The following LRRC52 variants were observed in gnomAD, a reference collection of about 807,000 sequenced individuals.
The protein encoded by LRRC52 is leucine rich repeat containing 52.
A neutral mutation model predicts 14.7 loss-of-function variants in LRRC52; 15 were observed. The ratio of observed to expected loss-of-function variants is 1.02; its 90% CI spans 0.68 to 1.58. LRRC52 has a LOEUF of 1.58. Among genes scored for constraint, LRRC52 ranks in the 40% most tolerant of loss-of-function variants. The pLI, the probability that LRRC52 is intolerant of heterozygous loss-of-function variation, is 0.00. For missense variants in LRRC52, 400 were observed against 387.7 expected (o/e 1.03, Z -0.27); for synonymous variants, 180 against 163.9 (o/e 1.10, Z -0.75).
intron 1 of LRRC52, among the ~76,000 whole-genome samples, chr1:165,559,234 T>C (rs926801477): frequency 2.6e-5 from 4 of 151,854 alleles, no homozygotes; most frequent in African/African-American, 9.7e-5. Context: ...ACTAAAAATA[T>C]AAAAATTAGC....
At chr1:165,546,944 G>T (rs1661031799) in intron 1 of LRRC52, among the ~76,000 whole-genome samples, 1 of 152,036 alleles carries the variant, frequency 6.6e-6, no homozygotes. Context: ...AGTCTGTTTT[G>T]TGAGGTAGAC....
At position 165,544,486 on chromosome 1, in the gene LRRC52, A is replaced by T; in HGVS notation, c.190A>T (p.Arg64Ter). ...NTRRLFLNEN[R>*]ITSLPAMHLG... The stretch of plus-strand genomic sequence containing the variant: ...CCGGAGGCTGTTCCTGAACGAGAAC[A>T]GAATCACTAGTTTGCCAGCAATGCA... Residue 64 changes from arginine (R) to a stop codon, truncating the protein, a stop_gained, in exon 1 of 2, where the codon AGA (arginine) becomes TGA (stop). Transcript: ENST00000294818. LOFTEE classifies it high-confidence loss of function. 6.2e-7 allele frequency: 1 copy of T among 1,614,200 alleles called. No individual in the cohort carries two copies. The highest frequency in any genetic ancestry group is 8.5e-7 in the Non-Finnish European group (1 of 1,180,028).
intron 1 of LRRC52, among the ~76,000 whole-genome samples, chr1:165,545,781 T>C (rs1474939038): frequency 1.3e-5 from 2 of 152,062 alleles, no homozygotes; most frequent in Non-Finnish European, 2.9e-5. Flanking sequence ...CCACCAATAA[T>C]AGCATTTTTA....
At chr1:165,556,665 C>A (rs74335629) in intron 1 of LRRC52, among the ~76,000 whole-genome samples, 1 of 152,192 alleles carries the variant, frequency 6.6e-6, no homozygotes. Context: ...TGGATTTGGC[C>A]CACAGGTTGT....
chr1:165,562,253 T>G (rs112948650), intron 1 of LRRC52, among the ~76,000 whole-genome samples: 4 of 152,356 alleles, frequency 2.6e-5, no homozygotes, highest in East Asian at 1.9e-4. Flanking sequence ...AGGTTATTAT[T>G]AGAATTAAAT....
chr1:165,563,792 A>G lies in LRRC52; in HGVS notation c.910A>G (p.Ser304Gly), dbSNP rs745721042. 3.7e-6 allele frequency: 6 copies of G among 1,614,188 alleles called. No homozygotes were observed. The highest frequency in any genetic ancestry group is 5.1e-6 in the Non-Finnish European group (6 of 1,180,034). Residue 304 changes from serine (S) to glycine (G), a missense_variant, in exon 2 of 2, where the codon AGC (serine) becomes GGC (glycine). Coordinates refer to ENST00000294818, the MANE Select transcript of LRRC52 (RefSeq NM_001005214.4). Reference protein sequence around the residue: ...VSRRIFQTQTSSVQEFPQLI With the variant: ...VSRRIFQTQTGSVQEFPQLI Reference sequence around the variant, plus strand: ...CCGGCGGATTTTTCAAACCCAGACGAGCTCGGTCCAGGAGTTCCCTCAGCT... The same window carrying G: ...CCGGCGGATTTTTCAAACCCAGACGGGCTCGGTCCAGGAGTTCCCTCAGCT...
intron 1 of LRRC52, among the ~76,000 whole-genome samples, chr1:165,553,244 G>T (rs1236908962): frequency 6.6e-6 from 1 of 152,152 alleles, no homozygotes; most frequent in South Asian, 2.1e-4. Flanking sequence ...GACAGCAGGA[G>T]CCCCCAGACA....
At chr1:165,557,849 C>T (rs1303558199) in intron 1 of LRRC52, among the ~76,000 whole-genome samples, 1 of 152,148 alleles carries the variant, frequency 6.6e-6, no homozygotes, top group Non-Finnish European at 1.5e-5. Flanking sequence ...TCTTGCTTTC[C>T]ATTGCCACTG....
chr1:165,549,774 A>C (rs1429833685), intron 1 of LRRC52, among the ~76,000 whole-genome samples: 1 of 152,228 alleles, frequency 6.6e-6, no homozygotes, highest in South Asian at 2.1e-4. Context: ...GTTGTAGAGG[A>C]AGCCCAGTGT....
In LRRC52 at chr1:165,560,215, T is replaced by C. The variant is rs542040477; in HGVS notation, c.623-3290T>C. On this transcript the variant is annotated intron_variant, in intron 1 of 1. Transcript: ENST00000294818. ...TGTTGTTAGAGGATCTACTGTATAA[T>C]ATATTTGTAGCACATGGAAAATGTA... 1.2e-4 allele frequency among the ~76,000 whole-genome samples: 19 copies of C among 152,376 alleles called. No homozygotes were observed. The South Asian group carries it at 3.7e-3, about 30-fold the overall frequency.
chr1:165,553,883 T>C (rs1414686975), intron 1 of LRRC52, among the ~76,000 whole-genome samples: 1 of 152,216 alleles, frequency 6.6e-6, no homozygotes, highest in African/African-American at 2.4e-5. Context: ...GTACACATTT[T>C]CATGTAATGT....
chr1:165,545,609 T>A (rs973550271), intron 1 of LRRC52, among the ~76,000 whole-genome samples: 3 of 10,304 alleles, frequency 2.9e-4, no homozygotes, highest in African/African-American at 3.6e-4. Flanking sequence ...GAGATTCTAG[T>A]CTTACAGGTA....
At chr1:165,555,602 G>C (rs1049465927) in intron 1 of LRRC52, among the ~76,000 whole-genome samples, 7 of 152,210 alleles carry the variant, frequency 4.6e-5, no homozygotes, top group Non-Finnish European at 8.8e-5. Flanking sequence ...GAAAAAGCAA[G>C]GACACACATT....
At chr1:165,550,445 T>TTTTTA (rs1375181048) in intron 1 of LRRC52, among the ~76,000 whole-genome samples, 12 of 152,280 alleles carry the variant, frequency 7.9e-5, no homozygotes, top group Admixed American at 7.2e-4. Flanking sequence ...ATGAACTGAA[T>TTTTTA]TTTTATTTTA....
rs1661395154 is a variant in LRRC52 at position 165,563,682 on chromosome 1, G to C, written c.800G>C (p.Gly267Ala). 4 of 1,614,188 alleles carry C rather than the reference G, an allele frequency of 2.5e-6. No homozygotes were observed. The highest frequency in any genetic ancestry group is 3.4e-6 in the Non-Finnish European group (4 of 1,180,010). The change falls in exon 2 of 2, where the codon GGT becomes GCT. Residue 267 changes from glycine to alanine, a missense_variant. Coordinates refer to ENST00000294818, the MANE Select transcript of LRRC52 (RefSeq NM_001005214.4). ...GGAACTGTGGCTGCCTGGCTCACAG[G>C]TGTGTGTGCTGTGCTCTACCAGAAC... Reference protein sequence around the residue: ...AAGTVAAWLTGVCAVLYQNTR... With the variant: ...AAGTVAAWLTAVCAVLYQNTR...
At chr1:165,554,143 A>G (rs896415755) in intron 1 of LRRC52, among the ~76,000 whole-genome samples, 1 of 152,210 alleles carries the variant, frequency 6.6e-6, no homozygotes, top group South Asian at 2.1e-4. Flanking sequence ...TGATAATTAA[A>G]TGAAAAAACC....
Position 165,544,474 on chromosome 1 carries a change from C to A in LRRC52, c.178C>A (p.Leu60Met). The change falls in exon 1 of 2, where the codon CTG becomes ATG. Residue 60 changes from leucine to methionine, a missense_variant. Transcript: ENST00000294818. ...DIPLNTRRLFLNENRITSLPA... is the reference protein window; with the variant it reads ...DIPLNTRRLFMNENRITSLPA... ...ACCCCTGAACACCCGGAGGCTGTTC[C>A]TGAACGAGAACAGAATCACTAGTTT... is the stretch of plus-strand genomic sequence containing the variant. 6.2e-7 allele frequency: 1 copy of A among 1,614,154 alleles called. No homozygotes were observed. The highest frequency in any genetic ancestry group is 8.5e-7 in the Non-Finnish European group (1 of 1,180,008).
chr1:165,562,911 G>A (rs759531679), intron 1 of LRRC52, among the ~76,000 whole-genome samples: 7 of 151,968 alleles, frequency 4.6e-5, no homozygotes, highest in East Asian at 1.9e-4. Context: ...AGTGGTGAGC[G>A]GGTAGAACAC....
chr1:165,544,856 A>C lies in LRRC52; in HGVS notation c.560A>C (p.Lys187Thr), dbSNP rs756862167. The C allele has an allele frequency of 6.2e-7, 1 of 1,613,882 alleles. No homozygotes were observed. The highest frequency in any genetic ancestry group is 8.5e-7 in the Non-Finnish European group (1 of 1,179,778). The stretch of plus-strand genomic sequence containing the variant: ...CTGTTTCTGAGTGGAAACCCCTGGA[A>C]GTGCAACTGCTCTTTCCTGGACTTC... Reference protein sequence around the residue: ...ETLFLSGNPWKCNCSFLDFAI... With the variant: ...ETLFLSGNPWTCNCSFLDFAI... The change falls in exon 1 of 2, where the codon AAG (lysine) becomes ACG (threonine). Residue 187 changes from lysine (K) to threonine (T), a missense_variant. Lys to Thr is a moderately conservative substitution (Grantham distance 78). Coordinates refer to ENST00000294818, the MANE Select transcript of LRRC52 (RefSeq NM_001005214.4).
Sources: gnomAD v4.1 joint callset for allele counts (sites outside exome capture counted in the v4.1 genomes callset) on GRCh38, gnomAD v4.1.1 for gene constraint, MANE v1.5 for transcripts, NCBI Gene and HGNC (gene_info 2026-07-23, HGNC 2026-07-21) for gene names.